Variants in HDAC7 observed in about 807,000 individuals in gnomAD.
HDAC7 encodes histone deacetylase 7, also known as histone deacetylase 7A.
In HDAC7, 26 loss-of-function variants were observed where a neutral mutation model predicts 115.5. The ratio of observed to expected loss-of-function variants is 0.23; its 90% CI spans 0.16 to 0.31. The LOEUF is 0.31. Among genes scored for constraint, HDAC7 ranks in the 10% least tolerant of loss-of-function variants. The pLI, the probability that HDAC7 is intolerant of heterozygous loss-of-function variation, is 1.00. For synonymous variants in HDAC7, 564 were observed against 550.9 expected (o/e 1.02, Z -0.33); for missense variants, 1,068 against 1,329.0 (o/e 0.80, Z 3.05).
chr12:47,786,625 A>T lies in HDAC7; in HGVS notation c.2532T>A (p.Gly844=). The T allele has an allele frequency of 6.2e-7, 1 of 1,613,828 alleles. No homozygotes were observed. The highest frequency in any genetic ancestry group is 1.1e-5 in the South Asian group (1 of 91,080). ...GGTAGCCACCCAGTGGGGCCGGGTG[A>T]CCCTCAGCAGCATCAAATCCAGCAG... ...LVSAGFDAAE[G]HPAPLGGYHV... Residue 844 remains glycine, a synonymous_variant, in exon 22 of 26, where the codon GGT becomes GGA. Coordinates refer to ENST00000080059, the MANE Select transcript of HDAC7 (RefSeq NM_015401.5).
intron 1 of HDAC7, among the ~76,000 whole-genome samples, chr12:47,815,570 A>G (rs1944826424): frequency 6.6e-6 from 1 of 152,030 alleles, no homozygotes; most frequent in African/African-American, 2.4e-5. Context: ...CCCAGGCCCC[A>G]CCCCTCAGAT....
chr12:47,791,153 G>C (rs1943476096), intron 16 of HDAC7, 106 bp downstream of exon 16: 1 of 1,142,064 alleles, frequency 8.8e-7, no homozygotes. Flanking sequence ...CTGTCTGGCA[G>C]AACCACAACA....
intron 7 of HDAC7, among the ~76,000 whole-genome samples, chr12:47,796,596 G>A (rs1414301253): frequency 1.3e-5 from 2 of 151,898 alleles, no homozygotes; most frequent in African/African-American, 4.8e-5. Context: ...GCTAATTTTT[G>A]TATTTTTAGT....
chr12:47,796,703 C>T (rs1355627797), intron 7 of HDAC7, among the ~76,000 whole-genome samples: 1 of 152,186 alleles, frequency 6.6e-6, no homozygotes, highest in Non-Finnish European at 1.5e-5. Flanking sequence ...AGATTATAGG[C>T]GTGAACCACC....
intron 7 of HDAC7, 142 bp from the exon 8 acceptor site, chr12:47,796,440 T>C: frequency 3.5e-6 from 2 of 570,386 alleles, no homozygotes; most frequent in East Asian, 3.3e-5. Flanking sequence ...TTTTTTTTTT[T>C]TGAGACAGAG....
intron 1 of HDAC7, among the ~76,000 whole-genome samples, chr12:47,818,688 A>G (rs1944917739): frequency 6.6e-6 from 1 of 152,208 alleles, no homozygotes; most frequent in Admixed American, 6.5e-5. Context: ...TTCTCACCCT[A>G]GAAAGCGGCA....
intron 20 of HDAC7, 25 bp from the exon 21 acceptor site, chr12:47,787,834 C>T (rs1455601068): frequency 1.3e-6 from 2 of 1,599,438 alleles, no homozygotes; most frequent in African/African-American, 2.7e-5. Context: ...GCAAGAGAGA[C>T]ATGAGGACAG....
rs1286276438 is a variant in HDAC7, at chr12:47,787,771, C to T, written c.2394G>A (p.Val798=). ...GGGGGTCCAGACCTCCAGCCCAGGC[C>T]ACATTGACATTGAAGCCCTCACCGC... ...AGSGEGFNVN[V]AWAGGLDPPM... is the part of the protein sequence containing the mutation. The change falls in exon 21 of 26, where the codon GTG becomes GTA. Residue 798 remains valine (V), a synonymous_variant. Coordinates refer to ENST00000080059, the MANE Select transcript of HDAC7 (RefSeq NM_015401.5). 1 of 1,613,236 alleles carries T rather than the reference C, an allele frequency of 6.2e-7. No individual in the cohort carries two copies. Among genetic ancestry groups the T allele is most frequent in the Non-Finnish European group, 8.5e-7 (1 of 1,179,772 alleles).
intron 7 of HDAC7, 103 bp downstream of exon 7, chr12:47,796,914 G>T: frequency 7.6e-7 from 1 of 1,317,632 alleles, no homozygotes; most frequent in Non-Finnish European, 1.0e-6. Context: ...ACCACGCATG[G>T]CAGTCCTAAG....
At position 47,786,983 on chromosome 12, in the gene HDAC7, A is replaced by C. The variant is rs1403764045; in HGVS notation, c.2454-280T>G. On this transcript the variant is annotated intron_variant, in intron 21 of 25. Coordinates refer to ENST00000080059, the MANE Select transcript of HDAC7 (RefSeq NM_015401.5). Reference sequence around the variant, plus strand: ...GAATGAAAGAGGAGTGTGTGTGACCATGTGTGTGTGCATGTGTGTGTGTGC... The same window carrying C: ...GAATGAAAGAGGAGTGTGTGTGACCCTGTGTGTGTGCATGTGTGTGTGTGC... Among the ~76,000 whole-genome samples the C allele has an allele frequency of 2.0e-5, 3 of 152,260 alleles. No individual in the cohort carries two copies. The East Asian group carries it at 5.8e-4, about 29-fold the overall frequency.
intron 1 of HDAC7, among the ~76,000 whole-genome samples, chr12:47,807,512 G>A (rs538058658): frequency 7.9e-5 from 12 of 152,218 alleles, no homozygotes; most frequent in African/African-American, 2.6e-4. Flanking sequence ...CTTGAGCCCA[G>A]GCAATTGGGC....
At position 47,797,291 on chromosome 12, in the gene HDAC7, G is replaced by GGGCCCCC; in HGVS notation, c.577+92_577+93insGGGGGCC. The GGGCCCCC allele has an allele frequency of 9.0e-6, 12 of 1,336,074 alleles. No individual in the cohort carries two copies. Among genetic ancestry groups the GGGCCCCC allele is most frequent in the Non-Finnish European group, 1.2e-5 (11 of 948,860 alleles). 82.8% of individuals were successfully genotyped at this position (1,336,074 alleles called of 1,614,324 possible). On this transcript the variant is annotated intron_variant, in intron 6 of 25. Coordinates refer to ENST00000080059, the MANE Select transcript of HDAC7 (RefSeq NM_015401.5). The surrounding 1 kb of genome is among the most constrained non-coding windows in gnomAD (Gnocchi z 5.5). Reference sequence around the variant, plus strand: ...AGCCTACCGATGATCTCCTGGCCCAGCCCAGCCCGCCCACCCCTGCACACT... The same window carrying GGGCCCCC: ...AGCCTACCGATGATCTCCTGGCCCAGGGCCCCCCCCAGCCCGCCCACCCCTGCACACT...
At chr12:47,789,682 A>G in intron 17 of HDAC7, 104 bp from the exon 18 acceptor site, 1 of 1,452,080 alleles carries the variant, frequency 6.9e-7, no homozygotes, top group Non-Finnish European at 9.6e-7. Context: ...CAGAGCCCTC[A>G]ATTTCCCCTC....
intron 1 of HDAC7, among the ~76,000 whole-genome samples, chr12:47,809,008 C>T (rs1944531169): frequency 1.3e-5 from 2 of 152,250 alleles, no homozygotes; most frequent in Admixed American, 6.5e-5. Context: ...GAGGCCCTAT[C>T]TGTAACATGG....
At chr12:47,812,475 A>G (rs1407057439) in intron 1 of HDAC7, among the ~76,000 whole-genome samples, 1 of 152,210 alleles carries the variant, frequency 6.6e-6, no homozygotes. Flanking sequence ...CTTTATTTAC[A>G]TTATCTCCTT....
Position 47,803,584 on chromosome 12 carries a change from C to T in HDAC7, c.20-1310G>A, listed in dbSNP as rs944469820. Among the ~76,000 whole-genome samples the T allele has an allele frequency of 6.6e-6, 1 of 152,116 alleles. No homozygotes were observed. Among genetic ancestry groups the T allele is most frequent in the African/African-American group, 2.4e-5 (1 of 41,384 alleles). On this transcript the variant is annotated intron_variant, in intron 1 of 25. Transcript: ENST00000080059. This position sits in a 1 kb window ranked among gnomAD's most constrained non-coding sequence, Gnocchi z 4.0. ...CATCTCCTTGGGAGGCTCTCCCTGA[C>T]CTCTCCCCTCTTCCTTTTCCACAGC... is the stretch of plus-strand genomic sequence containing the variant.
chr12:47,819,775 G>T lies in HDAC7; in HGVS notation c.11C>A (p.Pro4His). The T allele has an allele frequency of 1.2e-6, 1 of 836,502 alleles. No homozygotes were observed. Among genetic ancestry groups the T allele is most frequent in the Non-Finnish European group, 1.5e-6 (1 of 677,668 alleles). 51.8% of individuals were successfully genotyped at this position (836,502 alleles called of 1,614,324 possible). Residue 4 changes from proline (P) to histidine (H), a missense_variant, in exon 1 of 26, where the codon CCC becomes CAC. By Grantham distance (77) the Pro-to-His change is moderately conservative. Around this residue, in one of 6 missense-constraint regions of HDAC7, gnomAD observed 161 missense variants for 158.5 expected, o/e 1.02. Transcript: ENST00000080059. The part of the protein sequence containing the change: MHS[P>H]GADGTQVSPG... The stretch of plus-strand genomic sequence containing the variant: ...GGCCGCCCAGTACTCACCAGCGCCG[G>T]GGCTGTGCATCCAGGGGCCGGGGCC...
At chr12:47,789,203 G>A in intron 19 of HDAC7, 58 bp downstream of exon 19, 1 of 1,304,530 alleles carries the variant, frequency 7.7e-7, no homozygotes, top group Non-Finnish European at 1.1e-6. Flanking sequence ...CTAACATCAG[G>A]CTCAGGGCTT....
At chr12:47,786,078 G>C (rs939095167) in intron 22 of HDAC7, 193 bp from the exon 23 acceptor site, 10 of 602,992 alleles carry the variant, frequency 1.7e-5, no homozygotes, top group Non-Finnish European at 2.7e-5. Context: ...GCTCAGGGAG[G>C]TTAAGGGCCT....
Sources: gnomAD v4.1 joint callset for allele counts (sites outside exome capture counted in the v4.1 genomes callset) on GRCh38, gnomAD v4.1.1 for gene constraint, gnomAD v4.1.1 regional missense constraint, Gnocchi (gnomAD v3.1) non-coding constraint, MANE v1.5 for transcripts, NCBI Gene and HGNC (gene_info 2026-07-23, HGNC 2026-07-21) for gene names.